Variants in REEP5 observed in about 807,000 individuals in gnomAD.
The protein encoded by REEP5 is receptor expression-enhancing protein 5.
REEP5 carries 24 observed loss-of-function variants against 22.4 expected under a neutral mutation model. The observed-to-expected ratio is 1.07, with a 90% confidence interval of 0.78 to 1.51. The LOEUF is 1.51. Ranked by LOEUF, REEP5 falls within the 40% of genes most tolerant of loss-of-function variation. The pLI, the probability that REEP5 is intolerant of heterozygous loss-of-function variation, is 0.00. For synonymous variants in REEP5, 103 were observed against 88.6 expected, an observed-to-expected ratio of 1.16 and a Z score of -0.92; for missense variants, 252 against 233.0, an observed-to-expected ratio of 1.08 and a Z score of -0.53.
At chr5:112,880,709 T>C (rs1347011575) in intron 4 of REEP5, among the ~76,000 whole-genome samples, 1 of 152,188 alleles carries the variant, frequency 6.6e-6, no homozygotes, top group Non-Finnish European at 1.5e-5. Flanking sequence ...AGATTGGATT[T>C]TAAGTATTGA....
At chr5:112,915,542 G>T (rs1348864356) in intron 2 of REEP5, among the ~76,000 whole-genome samples, 1 of 152,230 alleles carries the variant, frequency 6.6e-6, no homozygotes, top group Non-Finnish European at 1.5e-5. Context: ...TAAAAAAGTT[G>T]AGGAAGGTTA....
At chr5:112,912,824 G>A (rs1449472690) in intron 2 of REEP5, among the ~76,000 whole-genome samples, 3 of 152,086 alleles carry the variant, frequency 2.0e-5, no homozygotes, top group African/African-American at 7.2e-5. Context: ...AAGGAAAAAA[G>A]AATCAGACAT....
chr5:112,892,042 A>G, intron 3 of REEP5: 12 of 1,482,346 alleles, frequency 8.1e-6, no homozygotes, highest in Non-Finnish European at 1.1e-5. Context: ...ACAGGAGAAG[A>G]AAGAAAAAGA....
intron 2 of REEP5, among the ~76,000 whole-genome samples, chr5:112,906,812 G>T (rs988695173): frequency 6.6e-6 from 1 of 152,140 alleles, no homozygotes; most frequent in East Asian, 1.9e-4. Flanking sequence ...CCACCTCAAA[G>T]TTCCAGTCTT....
chr5:112,893,093 T>TA, intron 3 of REEP5: 1 of 700,000 alleles, frequency 1.4e-6, no homozygotes, highest in East Asian at 3.9e-5. Flanking sequence ...AGTTTTGTTC[T>TA]TAAAAAAAAA....
chr5:112,882,448 A>C (rs1561646265), intron 4 of REEP5, among the ~76,000 whole-genome samples: 1 of 152,164 alleles, frequency 6.6e-6, no homozygotes, highest in Non-Finnish European at 1.5e-5. Context: ...CCCTCACTTC[A>C]TAGTTCTTGC....
intron 3 of REEP5, among the ~76,000 whole-genome samples, chr5:112,889,913 G>A (rs1004937321): frequency 2.7e-5 from 4 of 148,078 alleles, no homozygotes; most frequent in Admixed American, 1.4e-4. Context: ...TGCAACCTCC[G>A]CCTCCCGGAT....
chr5:112,917,131 C>T (rs1038013079), intron 2 of REEP5, among the ~76,000 whole-genome samples: 3 of 152,208 alleles, frequency 2.0e-5, no homozygotes, highest in Admixed American at 6.5e-5. Context: ...GCTGGACTCT[C>T]GTCTTGAACT....
At position 112,918,769 on chromosome 5, in the gene REEP5, TC is replaced by T. The variant is rs539214489; in HGVS notation, c.212+2393del. On this transcript the variant is annotated intron_variant, in intron 2 of 4. Coordinates refer to ENST00000379638, the MANE Select transcript of REEP5 (RefSeq NM_005669.5). ...CTGGCACCTGCACCTCTCTGGTGCCTCCCCCACCACTCTTTGCTCACACAGA... is the reference window on the plus strand; with the variant it reads ...CTGGCACCTGCACCTCTCTGGTGCCTCCCCACCACTCTTTGCTCACACAGA... 1.6e-3 allele frequency among the ~76,000 whole-genome samples: 239 copies of T among 152,216 alleles called. 2 individuals carry two copies. Among genetic ancestry groups the T allele is most frequent in the Non-Finnish European group, 2.7e-3 (187 of 68,006 alleles).
chr5:112,884,358 C>A (rs1768166255), intron 4 of REEP5, among the ~76,000 whole-genome samples: 2 of 151,978 alleles, frequency 1.3e-5, no homozygotes, highest in Admixed American at 6.6e-5. Flanking sequence ...AAGTATGATT[C>A]CCCATGGTTC....
In REEP5 at chr5:112,890,534, C is replaced by T. The variant is rs566496865; in HGVS notation, c.352-3351G>A. ...ACAGGCATGCAGGCACGCACCATCA[C>T]GTCTGGCTAATTTTTGTACTTTTTG... On this transcript the variant is annotated intron_variant, in intron 3 of 4. Coordinates refer to ENST00000379638, the MANE Select transcript of REEP5 (RefSeq NM_005669.5). 1.6e-4 allele frequency among the ~76,000 whole-genome samples: 24 copies of T among 150,232 alleles called. 1 individual carries two copies. The Middle Eastern group carries it at 0.014, about 86-fold the overall frequency.
At position 112,878,427 on chromosome 5, in the gene REEP5, T is replaced by C. The variant is rs1767962547; in HGVS notation, c.*359A>G. 4.6e-6 allele frequency: 1 copy of C among 219,098 alleles called. No homozygotes were observed. Among genetic ancestry groups the C allele is most frequent in the African/African-American group, 2.3e-5 (1 of 43,754 alleles). The allele number at this position is 219,098 out of a possible 1,614,324, so 13.6% of individuals were successfully genotyped here. A position where few individuals can be genotyped will look rare whatever the true frequency, so the allele number is the denominator to read the frequency against. On this transcript the variant is annotated 3_prime_UTR_variant, in exon 5 of 5. Transcript: ENST00000379638. ...GTAGAACCATAAAGATTATCCTAAA[T>C]GTAACTACAGAGAAAATGCGTGCAG...
intron 2 of REEP5, among the ~76,000 whole-genome samples, chr5:112,904,560 A>G (rs1253226372): frequency 6.6e-6 from 1 of 152,232 alleles, no homozygotes; most frequent in Admixed American, 6.5e-5. Flanking sequence ...CTTTTCTAGA[A>G]TATGACGTAA....
chr5:112,879,756 G>A (rs554570042), intron 4 of REEP5, among the ~76,000 whole-genome samples: 3 of 152,022 alleles, frequency 2.0e-5, no homozygotes, highest in South Asian at 2.1e-4. Flanking sequence ...GATTACAGAC[G>A]TAAGCCACCA....
intron 1 of REEP5, 76 bp from the exon 2 acceptor site, chr5:112,921,332 G>C: frequency 7.2e-7 from 1 of 1,380,614 alleles, no homozygotes; most frequent in Non-Finnish European, 1.0e-6. Flanking sequence ...CCCACACCGC[G>C]AGGCTGGGCC....
rs572159454 is a variant in REEP5 at position 112,892,271 on chromosome 5, T to C, written c.352-5088A>G. ...CCTACCCTTCTTATTAAGAGCATGT[T>C]TACAACGTTTGGAATGGAGCAGTGC... On this transcript the variant is annotated intron_variant, in intron 3 of 4. Transcript: ENST00000379638. 1.1e-5 allele frequency: 17 copies of C among 1,614,072 alleles called. No individual in the cohort carries two copies. The East Asian group carries it at 3.8e-4, about 36-fold the overall frequency.
intron 3 of REEP5, chr5:112,897,110 A>G (rs908355907): frequency 6.6e-6 from 1 of 152,188 alleles, no homozygotes; most frequent in Admixed American, 6.5e-5. Flanking sequence ...TAACATGAGA[A>G]AATACTCAGA....
chr5:112,895,951 A>G (rs1054048053), intron 3 of REEP5: 1 of 152,160 alleles, frequency 6.6e-6, no homozygotes, highest in South Asian at 2.1e-4. Flanking sequence ...CACTGACACA[A>G]TGACTCCTTA....
intron 4 of REEP5, among the ~76,000 whole-genome samples, chr5:112,884,789 A>G (rs949193287): frequency 2.1e-5 from 3 of 143,860 alleles, no homozygotes; most frequent in Non-Finnish European, 4.6e-5. Flanking sequence ...GCCCCCCCCC[A>G]TCTTTCTACT....
Sources: gnomAD v4.1 joint callset for allele counts (sites outside exome capture counted in the v4.1 genomes callset) on GRCh38, gnomAD v4.1.1 for gene constraint, MANE v1.5 for transcripts, NCBI Gene and HGNC (gene_info 2026-07-23, HGNC 2026-07-21) for gene names.